The following MGRN1 variants were observed in gnomAD, a reference collection of about 807,000 sequenced individuals.
MGRN1 encodes the protein E3 ubiquitin-protein ligase MGRN1.
In MGRN1, 29 loss-of-function variants were observed where a neutral mutation model predicts 69.2. The observed-to-expected ratio is 0.42, with a 90% confidence interval of 0.31 to 0.57. The LOEUF (loss-of-function observed/expected upper bound fraction) is 0.57, where lower values mean the gene tolerates loss of function less well. Among genes scored for constraint, MGRN1 ranks in the 20% least tolerant of loss-of-function variants. The pLI is 0.15. For synonymous variants in MGRN1, 470 were observed against 344.2 expected (o/e 1.37, Z -4.04); for missense variants, 998 against 796.2 (o/e 1.25, Z -3.05).
chr16:4,625,362 C>A (rs1276460008), intron 1 of MGRN1, among the ~76,000 whole-genome samples: 1 of 152,228 alleles, frequency 6.6e-6, no homozygotes, highest in Non-Finnish European at 1.5e-5. Context: ...GAGGGCGGGG[C>A]GGGGTGCTGA....
In MGRN1 at chr16:4,668,366, ATCACTC is replaced by A. The variant is rs2078852875; in HGVS notation, c.726+55_726+60del. ...TTGAATTAAAAGACACACATATACA[ATCACTC>A]ACACGCATACTCATACATAGACACA... On this transcript the variant is annotated intron_variant, in intron 8 of 16. Transcript: ENST00000262370. 2.5e-6 allele frequency: 4 copies of A among 1,582,636 alleles called. No individual in the cohort carries two copies. In the Admixed American group the frequency reaches 6.7e-5, roughly 27 times the overall value.
chr16:4,646,628 C>T (rs1017553648), intron 1 of MGRN1, among the ~76,000 whole-genome samples: 1 of 152,160 alleles, frequency 6.6e-6, no homozygotes, highest in African/African-American at 2.4e-5. Flanking sequence ...AGAAGCCACA[C>T]ACCATCATTT....
chr16:4,631,940 G>C (rs1370890737), intron 1 of MGRN1, among the ~76,000 whole-genome samples: 2 of 147,962 alleles, frequency 1.4e-5, no homozygotes, highest in African/African-American at 5.0e-5. Context: ...CCTATTTAAG[G>C]CAAGTGATAT....
chr16:4,687,909 C>T (rs2079369395), intron 16 of MGRN1: 1 of 985,560 alleles, frequency 1.0e-6, no homozygotes, highest in African/African-American at 1.7e-5. Flanking sequence ...TGTCCTGAGC[C>T]ATTATACCCC....
chr16:4,686,165 C>T (rs879038397), intron 16 of MGRN1: 4 of 1,434,692 alleles, frequency 2.8e-6, no homozygotes, highest in South Asian at 2.5e-5. Flanking sequence ...ACGGCCTCGA[C>T]CGTGTCCCCA....
chr16:4,683,009 G>T (rs1415798956), intron 14 of MGRN1, 63 bp downstream of exon 14: 2 of 1,489,502 alleles, frequency 1.3e-6, no homozygotes, highest in East Asian at 2.4e-5. Flanking sequence ...AGCTTCTGTC[G>T]CTGGAATCAG....
At position 4,657,109 on chromosome 16, in the gene MGRN1, C is replaced by T; in HGVS notation, c.444-137C>T. On this transcript the variant is annotated intron_variant, in intron 4 of 16. Coordinates refer to ENST00000262370, the MANE Select transcript of MGRN1 (RefSeq NM_015246.4). Reference sequence around the variant, plus strand: ...GGTGAGGGCCACGTGGCCATGTAGGCTGTTTGCTGTTCCCCATGAGAGAGG... The same window carrying T: ...GGTGAGGGCCACGTGGCCATGTAGGTTGTTTGCTGTTCCCCATGAGAGAGG... The T allele has an allele frequency of 3.8e-6, 3 of 780,528 alleles. No homozygotes were observed. In the South Asian group the frequency reaches 4.8e-5, roughly 13 times the overall value. The allele number at this position is 780,528 out of a possible 1,614,324, so 48.4% of individuals were successfully genotyped here.
At chr16:4,680,194 C>G in intron 12 of MGRN1, 97 bp downstream of exon 12, 1 of 1,221,128 alleles carries the variant, frequency 8.2e-7, no homozygotes, top group South Asian at 1.3e-5. Flanking sequence ...AGGCTAGTGT[C>G]TGATTCATAT....
At chr16:4,651,902 C>G (rs776537563) in intron 2 of MGRN1, 61 bp from the exon 3 acceptor site, 212 of 1,487,500 alleles carry the variant, frequency 1.4e-4, no homozygotes, top group Non-Finnish European at 1.8e-4. Context: ...CACCCTGACC[C>G]GTTTTCTGTT....
chr16:4,685,489 G>A (rs762085488), intron 16 of MGRN1, among the ~76,000 whole-genome samples: 2 of 152,220 alleles, frequency 1.3e-5, no homozygotes, highest in Admixed American at 1.3e-4. Context: ...AGGAGAGGCC[G>A]AGTCTACATC....
chr16:4,676,816 G>A (rs574577096), intron 10 of MGRN1: 1 of 152,608 alleles, frequency 6.6e-6, no homozygotes, highest in East Asian at 1.9e-4. Context: ...TGCTCCCAGT[G>A]GCTGCTGTCT....
At chr16:4,665,390 G>A (rs1485136576) in intron 7 of MGRN1, among the ~76,000 whole-genome samples, 1 of 150,302 alleles carries the variant, frequency 6.7e-6, no homozygotes, top group African/African-American at 2.5e-5. Flanking sequence ...TTCCTGAGCC[G>A]GGCTCACTCT....
chr16:4,627,199 T>C (rs1003355139), intron 1 of MGRN1, among the ~76,000 whole-genome samples: 2 of 152,198 alleles, frequency 1.3e-5, no homozygotes, highest in South Asian at 2.1e-4. Context: ...CCATGGACCA[T>C]TCAATCACCC....
At chr16:4,668,951 CATAG>C (rs1567217706) in intron 8 of MGRN1, among the ~76,000 whole-genome samples, 3 of 152,106 alleles carry the variant, frequency 2.0e-5, no homozygotes, top group African/African-American at 7.2e-5. Context: ...CACACATATA[CATAG>C]ACACACTCAT....
chr16:4,638,798 C>G (rs529313632), intron 1 of MGRN1, among the ~76,000 whole-genome samples: 4 of 152,328 alleles, frequency 2.6e-5, no homozygotes, highest in South Asian at 4.1e-4. Context: ...GTGAGCTGTT[C>G]GGAGCCCCTG....
intron 2 of MGRN1, chr16:4,651,140 C>T (rs1021719759): frequency 6.6e-6 from 1 of 152,134 alleles, no homozygotes; most frequent in Non-Finnish European, 1.5e-5. Flanking sequence ...TTTACTTTCC[C>T]TAGAACAGTG....
intron 1 of MGRN1, 141 bp downstream of exon 1, chr16:4,625,189 C>T (rs1897606417): frequency 3.7e-6 from 3 of 800,778 alleles, no homozygotes; most frequent in Non-Finnish European, 5.3e-6. Flanking sequence ...TCGCGCGGCC[C>T]CACGGCCCCG....
At chr16:4,656,977 G>A (rs1361593700) in intron 4 of MGRN1, among the ~76,000 whole-genome samples, 1 of 152,214 alleles carries the variant, frequency 6.6e-6, no homozygotes. Flanking sequence ...CTACACTGGG[G>A]AGGTATCAAA....
At chr16:4,644,986 GAT>G (rs1385186292) in intron 1 of MGRN1, among the ~76,000 whole-genome samples, 1 of 152,020 alleles carries the variant, frequency 6.6e-6, no homozygotes, top group Non-Finnish European at 1.5e-5. Context: ...TTTTACAAAT[GAT>G]ATATGTTAAT....
Sources: gnomAD v4.1 joint callset for allele counts (sites outside exome capture counted in the v4.1 genomes callset) on GRCh38, gnomAD v4.1.1 for gene constraint, MANE v1.5 for transcripts, NCBI Gene and HGNC (gene_info 2026-07-23, HGNC 2026-07-21) for gene names.